The following NEIL3 variants were observed in gnomAD, a reference collection of about 807,000 sequenced individuals.
NEIL3 encodes the protein endonuclease 8-like 3.
Under a neutral mutation model 57.5 loss-of-function variants are expected in NEIL3, and 48 were observed. The observed-to-expected ratio is 0.83, with a 90% CI of 0.66 to 1.06. The LOEUF (loss-of-function observed/expected upper bound fraction) is 1.06, where lower values mean the gene tolerates loss of function less well. Among genes scored for constraint, NEIL3 ranks in the 50% least tolerant of loss-of-function variants. The pLI, the probability that NEIL3 is intolerant of heterozygous loss-of-function variation, is 0.00. For missense variants in NEIL3, 717 were observed against 739.1 expected (o/e 0.97, Z 0.35); for synonymous variants, 261 against 253.2 (o/e 1.03, Z -0.29).
chr4:177,340,625 A>G (rs1344287512), intron 5 of NEIL3, among the ~76,000 whole-genome samples: 1 of 152,142 alleles, frequency 6.6e-6, no homozygotes, highest in East Asian at 1.9e-4. Context: ...GCATTTGCTT[A>G]CTTCTTCCTC....
chr4:177,321,342 A>G (rs1419819682), intron 1 of NEIL3, among the ~76,000 whole-genome samples: 4 of 152,208 alleles, frequency 2.6e-5, no homozygotes, highest in Admixed American at 2.6e-4. Context: ...TAATGCGTAG[A>G]TGTAATTCTG....
intron 2 of NEIL3, among the ~76,000 whole-genome samples, chr4:177,332,310 G>A (rs889000634): frequency 6.6e-6 from 1 of 152,106 alleles, no homozygotes; most frequent in Non-Finnish European, 1.5e-5. Flanking sequence ...CAACTCTAGG[G>A]ACAGATGGCT....
At chr4:177,360,757 C>T in intron 9 of NEIL3, 80 bp downstream of exon 9, 1 of 1,083,392 alleles carries the variant, frequency 9.2e-7, no homozygotes, top group Non-Finnish European at 1.3e-6. Context: ...GCAATACTTT[C>T]CTAGTTTTAC....
At chr4:177,344,740 T>C (rs1368786334) in intron 6 of NEIL3, among the ~76,000 whole-genome samples, 2 of 152,088 alleles carry the variant, frequency 1.3e-5, no homozygotes, top group Non-Finnish European at 2.9e-5. Flanking sequence ...TTTTGTATTT[T>C]TAGTAGAGAC....
intron 9 of NEIL3, among the ~76,000 whole-genome samples, chr4:177,361,801 AT>A (rs1264508014): frequency 1.3e-5 from 2 of 151,708 alleles, no homozygotes; most frequent in African/African-American, 2.4e-5. Flanking sequence ...TTGTTGTTTG[AT>A]TTTTTTAGAG....
intron 8 of NEIL3, among the ~76,000 whole-genome samples, chr4:177,356,708 C>A (rs1379818771): frequency 6.6e-6 from 1 of 152,134 alleles, no homozygotes; most frequent in East Asian, 1.9e-4. Flanking sequence ...ACCACACAAT[C>A]CATGCAGTGT....
In NEIL3 at chr4:177,339,871, T is replaced by G; in HGVS notation, c.702+14T>G. The G allele has an allele frequency of 1.9e-6, 3 of 1,578,498 alleles. No homozygotes were observed. Among genetic ancestry groups the G allele is most frequent in the Non-Finnish European group, 1.7e-6 (2 of 1,148,624 alleles). On this transcript the variant is annotated intron_variant, in intron 5 of 9. Transcript: ENST00000264596. ...CTCTTTTACAGGGTAAGAGCAAAATTTTTCAACTGTGTAAAATGTAAAATG... is the reference window on the plus strand; with the variant it reads ...CTCTTTTACAGGGTAAGAGCAAAATGTTTCAACTGTGTAAAATGTAAAATG...
intron 6 of NEIL3, chr4:177,343,771 G>T (rs1022592786): frequency 5.4e-5 from 8 of 147,672 alleles, no homozygotes; most frequent in African/African-American, 2.0e-4. Context: ...ACACTTAATG[G>T]TTTTTAAATT....
At position 177,336,320 on chromosome 4, in the gene NEIL3, A is replaced by C. The variant is rs1208237955; in HGVS notation, c.626A>C (p.Lys209Thr). 2 of 1,611,300 alleles carry C rather than the reference A, an allele frequency of 1.2e-6. No homozygotes were observed. Among genetic ancestry groups the C allele is most frequent in the African/African-American group, 2.7e-5 (2 of 74,740 alleles). Residue 209 changes from lysine to threonine, a missense_variant and splice_region_variant, in exon 4 of 10, where the codon AAA becomes ACA. Lys to Thr is a moderately conservative substitution (Grantham distance 78). Transcript: ENST00000264596. ...GACAGTGGTCTCCACCCAGCTGTTA[A>C]AGTAAGTTTTAAGTATTTTTTTAAT... is the stretch of plus-strand genomic sequence containing the variant. ...LFDSGLHPAV[K>T]VCQLTDEQIH...
rs767375163 is a variant in NEIL3, at chr4:177,341,476, T to C, written c.703T>C (p.Cys235Arg). 4 of 1,552,976 alleles carry C rather than the reference T, an allele frequency of 2.6e-6. No individual in the cohort carries two copies. In the African/African-American group the frequency reaches 5.6e-5, roughly 22 times the overall value. The stretch of plus-strand genomic sequence containing the variant: ...ATTTTTTGGTTTTTTTTTTTTTTAG[T>C]GCCGTAAAGCAGGACTTGCTCTCTC... Reference protein sequence around the residue: ...IRDFSILFYRCRKAGLALSKH... With the variant: ...IRDFSILFYRRRKAGLALSKH... The change falls in exon 6 of 10, where the codon TGC becomes CGC. Residue 235 changes from cysteine (C) to arginine (R), a missense_variant and splice_region_variant. Coordinates refer to ENST00000264596, the MANE Select transcript of NEIL3 (RefSeq NM_018248.3).
rs1014305797 is a variant in NEIL3 at position 177,321,656 on chromosome 4, C to T, written c.157-803C>T. 2.6e-5 allele frequency among the ~76,000 whole-genome samples: 4 copies of T among 152,062 alleles called. No individual in the cohort carries two copies. The East Asian group carries it at 7.7e-4, about 29-fold the overall frequency. ...AGGATTCTGCCTATATGTTGTCATT[C>T]TAACAATATATTGTTTGGTTTTGCA... On this transcript the variant is annotated intron_variant, in intron 1 of 9. Coordinates refer to ENST00000264596, the MANE Select transcript of NEIL3 (RefSeq NM_018248.3).
intron 8 of NEIL3, among the ~76,000 whole-genome samples, chr4:177,355,759 A>T (rs1051969672): frequency 1.1e-4 from 17 of 152,190 alleles, no homozygotes; most frequent in African/African-American, 4.1e-4. Flanking sequence ...AGCTTATTTC[A>T]TAACAAATTC....
intron 1 of NEIL3, among the ~76,000 whole-genome samples, chr4:177,311,887 A>C (rs1196621912): frequency 6.6e-6 from 1 of 152,242 alleles, no homozygotes; most frequent in African/African-American, 2.4e-5. Flanking sequence ...AGGGCTAAGC[A>C]ATGGATATGA....
chr4:177,342,417 T>G (rs527797151), intron 6 of NEIL3, among the ~76,000 whole-genome samples: 2 of 151,966 alleles, frequency 1.3e-5, no homozygotes, highest in Admixed American at 6.6e-5. Flanking sequence ...TTATGTAGTA[T>G]AAAGCAGCTG....
chr4:177,315,194 G>C (rs1302977278), intron 1 of NEIL3, among the ~76,000 whole-genome samples: 1 of 152,076 alleles, frequency 6.6e-6, no homozygotes, highest in African/African-American at 2.4e-5. Flanking sequence ...ACTGCACTAG[G>C]GTTGAAACAT....
At chr4:177,315,487 T>C (rs1267795059) in intron 1 of NEIL3, among the ~76,000 whole-genome samples, 1 of 152,184 alleles carries the variant, frequency 6.6e-6, no homozygotes, top group Non-Finnish European at 1.5e-5. Context: ...AGGGTCAACA[T>C]GGGAAAGTCA....
intron 6 of NEIL3, chr4:177,343,318 A>G (rs1344668500): frequency 6.6e-6 from 1 of 152,264 alleles, no homozygotes; most frequent in East Asian, 1.9e-4. Flanking sequence ...TGATTGAAGC[A>G]TTCCAACTTC....
chr4:177,317,597 C>CTTTTTTTTTTTTTTTT (rs745358876), intron 1 of NEIL3, among the ~76,000 whole-genome samples: 1 of 70,070 alleles, frequency 1.4e-5, no homozygotes, highest in Non-Finnish European at 2.6e-5. Context: ...ACTTTCTTTT[C>CTTTTTTTTTTTTTTTT]TTTTTTTTTT....
intron 2 of NEIL3, among the ~76,000 whole-genome samples, chr4:177,330,462 A>G (rs1198654855): frequency 1.3e-5 from 2 of 152,222 alleles, no homozygotes; most frequent in Non-Finnish European, 2.9e-5. Flanking sequence ...AACCCAAAAC[A>G]GACAGAAGGA....
Sources: gnomAD v4.1 joint callset for allele counts (sites outside exome capture counted in the v4.1 genomes callset) on GRCh38, gnomAD v4.1.1 for gene constraint, MANE v1.5 for transcripts, NCBI Gene and HGNC (gene_info 2026-07-23, HGNC 2026-07-21) for gene names.